CTNND2: variants seen among roughly 807,000 people sequenced by gnomAD.
CTNND2 encodes catenin delta 2, also known as catenin delta-2.
Under a neutral mutation model 144.4 loss-of-function variants are expected in CTNND2, and 22 were observed. The observed-to-expected ratio is 0.15, with a 90% CI of 0.11 to 0.22. The LOEUF (loss-of-function observed/expected upper bound fraction) is 0.22. Among genes scored for constraint, CTNND2 ranks in the 10% least tolerant of loss-of-function variants. The probability of loss-of-function intolerance (pLI) is 1.00; values close to 1 mark genes in which losing one functional copy is unlikely to be tolerated. For synonymous variants in CTNND2, 751 were observed against 695.6 expected, an observed-to-expected ratio of 1.08 and a Z score of -1.25; for missense variants, 1,353 against 1,618.8, an observed-to-expected ratio of 0.84 and a Z score of 2.82.
At chr5:11,821,822 G>T (rs866294239) in intron 1 of CTNND2, among the ~76,000 whole-genome samples, 1 of 152,020 alleles carries the variant, frequency 6.6e-6, no homozygotes, top group African/African-American at 2.4e-5. Flanking sequence ...AAATCAATTC[G>T]ATTTCATTTA....
At position 11,380,715 on chromosome 5, in the gene CTNND2, G is replaced by T. The variant is rs545152701; in HGVS notation, c.1177+3950C>A. ...GAGAGTCAGAACTCTGACGTTTGTG[G>T]TCAGATTTTCTAAGGTTTGTCTATC... On this transcript the variant is annotated intron_variant, in intron 7 of 21. Coordinates refer to ENST00000304623, the MANE Select transcript of CTNND2 (RefSeq NM_001332.4). 2.5e-4 allele frequency among the ~76,000 whole-genome samples: 38 copies of T among 152,258 alleles called. No homozygotes were observed. In the South Asian group the frequency reaches 7.9e-3, roughly 32 times the overall value.
At chr5:11,631,217 C>A (rs891458964) in intron 2 of CTNND2, among the ~76,000 whole-genome samples, 2 of 152,078 alleles carry the variant, frequency 1.3e-5, no homozygotes, top group African/African-American at 4.8e-5. Flanking sequence ...ATTTAGGTCT[C>A]CAAAATATTG....
intron 9 of CTNND2, among the ~76,000 whole-genome samples, chr5:11,265,663 T>A (rs1237643389): frequency 2.0e-5 from 3 of 151,858 alleles, no homozygotes; most frequent in Non-Finnish European, 2.9e-5. Context: ...CCAAAATCAG[T>A]TGCAAATCAC....
chr5:11,392,186 T>C (rs1313379280), intron 6 of CTNND2, among the ~76,000 whole-genome samples: 2 of 152,206 alleles, frequency 1.3e-5, no homozygotes, highest in Non-Finnish European at 2.9e-5. Context: ...AGTGCAAACA[T>C]GGTGACGTAG....
chr5:11,832,266 G>A (rs1048309593), intron 1 of CTNND2, among the ~76,000 whole-genome samples: 5 of 151,896 alleles, frequency 3.3e-5, no homozygotes, highest in African/African-American at 1.2e-4. Flanking sequence ...CCAGGCAACA[G>A]AGCGAGATTC....
intron 1 of CTNND2, among the ~76,000 whole-genome samples, chr5:11,807,605 T>C (rs1429081378): frequency 1.3e-5 from 2 of 152,110 alleles, no homozygotes; most frequent in Non-Finnish European, 2.9e-5. Flanking sequence ...CTGGAAAAAA[T>C]GTAGACTTAC....
intron 10 of CTNND2, among the ~76,000 whole-genome samples, chr5:11,221,626 C>T (rs968270006): frequency 3.3e-5 from 5 of 152,196 alleles, no homozygotes; most frequent in African/African-American, 9.7e-5. Context: ...TCACATGATA[C>T]GAAGCCTTCT....
chr5:11,026,096 G>A (rs562510138), intron 16 of CTNND2, among the ~76,000 whole-genome samples: 1 of 152,250 alleles, frequency 6.6e-6, no homozygotes, highest in Admixed American at 6.5e-5. Context: ...GAAGAAAGAG[G>A]CTGGATCACC....
chr5:11,635,914 CT>C (rs943492516), intron 2 of CTNND2, among the ~76,000 whole-genome samples: 6 of 151,824 alleles, frequency 4.0e-5, no homozygotes, highest in Admixed American at 1.3e-4. Flanking sequence ...TTTGGAGTAT[CT>C]TTTTTTTCTA....
intron 3 of CTNND2, 31 bp from the exon 4 acceptor site, chr5:11,412,100 C>A (rs767535820): frequency 6.3e-7 from 1 of 1,575,470 alleles, no homozygotes; most frequent in South Asian, 1.1e-5. Flanking sequence ...AGATATAATG[C>A]ATTGATTAGA....
chr5:11,250,428 T>C (rs997874018), intron 9 of CTNND2, among the ~76,000 whole-genome samples: 4 of 147,446 alleles, frequency 2.7e-5, no homozygotes, highest in African/African-American at 1.0e-4. Flanking sequence ...TGAAAATTAA[T>C]TGAAAGTTTG....
intron 16 of CTNND2, among the ~76,000 whole-genome samples, chr5:11,035,491 A>T (rs759567800): frequency 6.6e-6 from 1 of 152,198 alleles, no homozygotes; most frequent in Non-Finnish European, 1.5e-5. Context: ...GCCCACTGGG[A>T]TAATCCAGGG....
At position 10,971,998 on chromosome 5, in the gene CTNND2, C is replaced by T. The variant is rs888923311; in HGVS notation, c.*1455G>A. 3 of 152,632 alleles carry T rather than the reference C, an allele frequency of 2.0e-5. No homozygotes were observed. The highest frequency in any genetic ancestry group is 4.4e-5 in the Non-Finnish European group (3 of 68,046). 9.5% of individuals were successfully genotyped at this position (152,632 alleles called of 1,614,324 possible). A position where few individuals can be genotyped will look rare whatever the true frequency, so the allele number is the denominator to read the frequency against. On this transcript the variant is annotated 3_prime_UTR_variant, in exon 22 of 22. Transcript: ENST00000304623. ...TTTCTTAGCTCTGTTAACCACTATT[C>T]TAACGTTAGCTTCAAGTTCAGTTTT...
At chr5:11,719,831 T>TACACACAC (rs1178873446) in intron 2 of CTNND2, among the ~76,000 whole-genome samples, 6 of 109,486 alleles carry the variant, frequency 5.5e-5, no homozygotes, top group East Asian at 5.0e-4. Flanking sequence ...AGCTCTGACA[T>TACACACAC]ATACACACAC....
chr5:11,396,458 A>C (rs186094029), intron 6 of CTNND2, among the ~76,000 whole-genome samples: 297 of 152,314 alleles, frequency 1.9e-3, no homozygotes, highest in Non-Finnish European at 3.2e-3. Flanking sequence ...TGTGCAGTGA[A>C]ACTGTAAGAT....
intron 3 of CTNND2, among the ~76,000 whole-genome samples, chr5:11,449,160 T>C (rs938639451): frequency 1.1e-4 from 16 of 152,210 alleles, no homozygotes; most frequent in African/African-American, 3.9e-4. Context: ...TTGCTAATTA[T>C]GAGGTCATAT....
intron 9 of CTNND2, 145 bp from the exon 10 acceptor site, chr5:11,236,968 C>A: frequency 1.3e-6 from 1 of 752,816 alleles, no homozygotes; most frequent in East Asian, 2.6e-5. Flanking sequence ...ACATGCAGAC[C>A]CATTTAAGGG....
At chr5:11,007,244 G>A (rs917199346) in intron 18 of CTNND2, among the ~76,000 whole-genome samples, 2 of 152,214 alleles carry the variant, frequency 1.3e-5, no homozygotes, top group Non-Finnish European at 2.9e-5. Context: ...TGGTATTAAG[G>A]AGAATAAGAA....
At chr5:11,558,284 G>C (rs907940110) in intron 3 of CTNND2, among the ~76,000 whole-genome samples, 8 of 152,092 alleles carry the variant, frequency 5.3e-5, no homozygotes, top group African/African-American at 1.7e-4. Flanking sequence ...TCACAGTCAA[G>C]GGAAAGAGAC....
Sources: allele counts gnomAD v4.1 joint callset (sites outside exome capture counted in the v4.1 genomes callset), GRCh38; gene constraint gnomAD v4.1.1; transcripts MANE v1.5; gene names NCBI Gene and HGNC (gene_info 2026-07-23, HGNC 2026-07-21).